The following SUCLG2 variants were observed in gnomAD, a reference collection of about 807,000 sequenced individuals.
The protein encoded by SUCLG2 is succinate-CoA ligase GDP-forming subunit beta.
SUCLG2 carries 42 observed loss-of-function variants against 47.9 expected under a neutral mutation model. The observed-to-expected ratio is 0.88, with a 90% CI of 0.69 to 1.14. The LOEUF (loss-of-function observed/expected upper bound fraction) is 1.14. Among genes scored for constraint, SUCLG2 ranks in the 50% most tolerant of loss-of-function variants. The pLI, the probability that SUCLG2 is intolerant of heterozygous loss-of-function variation, is 0.00. For synonymous variants in SUCLG2, 195 were observed against 197.3 expected (o/e 0.99, Z 0.10); for missense variants, 571 against 525.9 (o/e 1.09, Z -0.84).
chr3:67,464,464 G>T (rs1194529964), intron 9 of SUCLG2, among the ~76,000 whole-genome samples: 1 of 152,154 alleles, frequency 6.6e-6, no homozygotes, highest in African/African-American at 2.4e-5. Context: ...TACTCACTGT[G>T]CTGCTGAAAA....
chr3:67,390,488 G>A (rs1702356563), intron 10 of SUCLG2, among the ~76,000 whole-genome samples: 1 of 152,142 alleles, frequency 6.6e-6, no homozygotes, highest in African/African-American at 2.4e-5. Flanking sequence ...ATAATTACAT[G>A]TATTTACTTG....
intron 9 of SUCLG2, among the ~76,000 whole-genome samples, chr3:67,473,716 G>C (rs1052817888): frequency 6.6e-6 from 1 of 152,134 alleles, no homozygotes; most frequent in African/African-American, 2.4e-5. Flanking sequence ...GATAACTTCC[G>C]AGTAGCAGTA....
In SUCLG2 at chr3:67,534,214, T is replaced by A. The variant is rs147531059; in HGVS notation, c.227-5028A>T. On this transcript the variant is annotated intron_variant, in intron 2 of 10. Coordinates refer to ENST00000307227, the MANE Select transcript of SUCLG2 (RefSeq NM_003848.4). The stretch of plus-strand genomic sequence containing the variant: ...TTCATGTAAGTTTTAAATCTAAAAC[T>A]TCCCTTTGAATATGATTCCCTATTA... Among the ~76,000 whole-genome samples, 1,152 of 152,280 alleles carry A rather than the reference T, an allele frequency of 7.6e-3. 9 individuals are homozygous for A. Among genetic ancestry groups the A allele is most frequent in the Non-Finnish European group, 0.011 (769 of 68,006 alleles).
intron 9 of SUCLG2, among the ~76,000 whole-genome samples, chr3:67,433,992 G>A (rs1160019507): frequency 6.6e-6 from 1 of 152,056 alleles, no homozygotes; most frequent in Non-Finnish European, 1.5e-5. Context: ...AGCCATGAGG[G>A]CAAATCCAAG....
intron 9 of SUCLG2, among the ~76,000 whole-genome samples, chr3:67,476,822 C>A (rs542086615): frequency 4.6e-5 from 7 of 152,236 alleles, no homozygotes; most frequent in African/African-American, 1.4e-4. Flanking sequence ...CCAGAGACTG[C>A]AGCAGTGGAA....
At chr3:67,595,322 TA>T (rs1284055059) in intron 2 of SUCLG2, among the ~76,000 whole-genome samples, 1 of 152,088 alleles carries the variant, frequency 6.6e-6, no homozygotes, top group Non-Finnish European at 1.5e-5. Flanking sequence ...CTTGTTCAGC[TA>T]AAGGGGGCTG....
intron 2 of SUCLG2, among the ~76,000 whole-genome samples, chr3:67,561,011 T>C (rs369226976): frequency 6.8e-5 from 10 of 147,876 alleles, no homozygotes; most frequent in East Asian, 5.9e-4. Flanking sequence ...ACTAACGCAA[T>C]TGTGTACTTT....
intron 9 of SUCLG2, among the ~76,000 whole-genome samples, chr3:67,425,067 T>C (rs1342823001): frequency 4.0e-5 from 6 of 149,264 alleles, no homozygotes; most frequent in Admixed American, 4.0e-4. Flanking sequence ...ATTTTGCATT[T>C]GAATTAAGCG....
At chr3:67,579,768 T>C (rs1414154820) in intron 2 of SUCLG2, among the ~76,000 whole-genome samples, 1 of 152,180 alleles carries the variant, frequency 6.6e-6, no homozygotes, top group South Asian at 2.1e-4. Flanking sequence ...AAAGTCCACG[T>C]CAGATATCAA....
At position 67,521,805 on chromosome 3, in the gene SUCLG2, A is replaced by G. The variant is rs1009034825; in HGVS notation, c.418-1171T>C. 1.1e-4 allele frequency among the ~76,000 whole-genome samples: 16 copies of G among 151,784 alleles called. 1 individual carries two copies. Among genetic ancestry groups the G allele is most frequent in the African/African-American group, 3.6e-4 (15 of 41,182 alleles). On this transcript the variant is annotated intron_variant, in intron 4 of 10. Transcript: ENST00000307227. ...TGGCTAATTTTTGTATTTTTAGTAG[A>G]GATGGGGATTCACCATGTTGGCCAG...
intron 1 of SUCLG2, among the ~76,000 whole-genome samples, chr3:67,616,118 A>G (rs1435597763): frequency 6.6e-6 from 1 of 152,074 alleles, no homozygotes; most frequent in Non-Finnish European, 1.5e-5. Context: ...CCTGGAAGCC[A>G]CATGTGGAGA....
chr3:67,600,586 A>T (rs1708398076), intron 2 of SUCLG2, among the ~76,000 whole-genome samples: 1 of 152,180 alleles, frequency 6.6e-6, no homozygotes, highest in Non-Finnish European at 1.5e-5. Flanking sequence ...CAAGATTCTA[A>T]ACACTACTTT....
chr3:67,482,282 T>C (rs1704938393), intron 9 of SUCLG2, among the ~76,000 whole-genome samples: 1 of 152,188 alleles, frequency 6.6e-6, no homozygotes, highest in African/African-American at 2.4e-5. Flanking sequence ...CTGTAACCAC[T>C]AGAAGAGAAA....
intron 1 of SUCLG2, among the ~76,000 whole-genome samples, chr3:67,611,502 G>A (rs1029554025): frequency 6.6e-5 from 10 of 152,088 alleles, no homozygotes; most frequent in African/African-American, 2.4e-4. Flanking sequence ...AGAAAAATAC[G>A]AGTTTAAGGC....
intron 9 of SUCLG2, among the ~76,000 whole-genome samples, chr3:67,467,417 G>A (rs1295409409): frequency 6.6e-6 from 1 of 152,154 alleles, no homozygotes; most frequent in Non-Finnish European, 1.5e-5. Flanking sequence ...AACTTTGACA[G>A]GTGAAGCGAG....
chr3:67,480,184 T>C (rs1704875574), intron 9 of SUCLG2, among the ~76,000 whole-genome samples: 1 of 152,162 alleles, frequency 6.6e-6, no homozygotes, highest in Admixed American at 6.5e-5. Context: ...GGACTTTCTG[T>C]GTTGTCAGTG....
intron 4 of SUCLG2, among the ~76,000 whole-genome samples, chr3:67,521,912 C>T (rs1238409435): frequency 1.3e-5 from 2 of 152,012 alleles, no homozygotes; most frequent in Non-Finnish European, 2.9e-5. Flanking sequence ...AGCCACCACG[C>T]CTGGCCTCTT....
chr3:67,511,495 G>C (rs1378769166), intron 6 of SUCLG2, among the ~76,000 whole-genome samples: 5 of 152,090 alleles, frequency 3.3e-5, no homozygotes, highest in Non-Finnish European at 5.9e-5. Context: ...TTTATAAAGG[G>C]GGGGTTCCTC....
At chr3:67,495,348 A>G (rs2107058862) in intron 9 of SUCLG2, among the ~76,000 whole-genome samples, 1 of 152,292 alleles carries the variant, frequency 6.6e-6, no homozygotes, top group African/African-American at 2.4e-5. Flanking sequence ...CACGTATTCC[A>G]ATGTGATATA....
Sources: allele counts gnomAD v4.1 joint callset (sites outside exome capture counted in the v4.1 genomes callset), GRCh38; gene constraint gnomAD v4.1.1; transcripts MANE v1.5; gene names NCBI Gene and HGNC (gene_info 2026-07-23, HGNC 2026-07-21).